The following KATNIP variants were observed in gnomAD, a reference collection of about 807,000 sequenced individuals.
KATNIP encodes the protein katanin-interacting protein.
In KATNIP, 126 loss-of-function variants were observed where a neutral mutation model predicts 174.0. The ratio of observed to expected loss-of-function variants is 0.72; its 90% CI spans 0.63 to 0.84. The LOEUF (loss-of-function observed/expected upper bound fraction) is 0.84. Among genes scored for constraint, KATNIP ranks in the 40% least tolerant of loss-of-function variants. The pLI, the probability that KATNIP is intolerant of heterozygous loss-of-function variation, is 0.00. For synonymous variants in KATNIP, 810 were observed against 835.7 expected (o/e 0.97, Z 0.53); for missense variants, 1,958 against 2,109.7 (o/e 0.93, Z 1.41).
At chr16:27,625,923 C>A (rs546660167) in intron 3 of KATNIP, among the ~76,000 whole-genome samples, 4 of 151,588 alleles carry the variant, frequency 2.6e-5, no homozygotes, top group Admixed American at 2.0e-4. Context: ...GATCATGTCT[C>A]ACTACAGCCT....
chr16:27,613,595 T>C (rs1187124265), intron 2 of KATNIP, among the ~76,000 whole-genome samples: 1 of 152,222 alleles, frequency 6.6e-6, no homozygotes, highest in East Asian at 1.9e-4. Context: ...GCAGCATCTG[T>C]GTTCTGGGAA....
Position 27,712,522 on chromosome 16 carries a change from G to A in KATNIP, c.1605+3602G>A, listed in dbSNP as rs193283026. ...TGCGCATGGCTGATAGAGCTCACCC[G>A]ACAGCTGAGGTACCTAGAAGCGGAG... On this transcript the variant is annotated intron_variant, in intron 13 of 27. Coordinates refer to ENST00000261588, the MANE Select transcript of KATNIP (RefSeq NM_015202.5). Among the ~76,000 whole-genome samples, 235 of 152,276 alleles carry A rather than the reference G, an allele frequency of 1.5e-3. 1 individual carries two copies. Among genetic ancestry groups the A allele is most frequent in the Non-Finnish European group, 2.4e-3 (166 of 68,026 alleles).
At chr16:27,661,580 C>T (rs998263027) in intron 6 of KATNIP, among the ~76,000 whole-genome samples, 3 of 150,434 alleles carry the variant, frequency 2.0e-5, no homozygotes, top group South Asian at 2.1e-4. Context: ...TTAGTAGAGA[C>T]GGGGGTTTCA....
chr16:27,588,826 A>T lies in KATNIP; in HGVS notation c.63+14870A>T, dbSNP rs372095595. The stretch of plus-strand genomic sequence containing the variant: ...CCCCTTCCCAGAAATAACTGCTGTT[A>T]TACATTGGATGTTCATCTTTCTGGA... On this transcript the variant is annotated intron_variant, in intron 2 of 27. Coordinates refer to ENST00000261588, the MANE Select transcript of KATNIP (RefSeq NM_015202.5). Among the ~76,000 whole-genome samples, 8 of 150,874 alleles carry T rather than the reference A, an allele frequency of 5.3e-5. No homozygotes were observed. In the South Asian group the frequency reaches 1.7e-3, roughly 31 times the overall value.
rs142107262 is a variant in KATNIP, at chr16:27,765,548, C to G, written c.3810-761C>G. 2.4e-3 allele frequency among the ~76,000 whole-genome samples: 362 copies of G among 152,296 alleles called. 3 individuals carry two copies. Among genetic ancestry groups the G allele is most frequent in the African/African-American group, 7.7e-3 (320 of 41,552 alleles). The stretch of plus-strand genomic sequence containing the variant: ...TCACCTGCCCCTCCTTCTACTTGTT[C>G]CAAGCCAAGAGCTGCAGAGCTCACC... On this transcript the variant is annotated intron_variant, in intron 19 of 27. Coordinates refer to ENST00000261588, the MANE Select transcript of KATNIP (RefSeq NM_015202.5).
chr16:27,581,878 T>C (rs2090713444), intron 2 of KATNIP, among the ~76,000 whole-genome samples: 1 of 152,240 alleles, frequency 6.6e-6, no homozygotes, highest in Admixed American at 6.5e-5. Flanking sequence ...TCATTTAGAA[T>C]AATAGTCTCC....
In KATNIP at chr16:27,775,001, C is replaced by T. The variant is rs552981860; in HGVS notation, c.4366C>T (p.Arg1456Cys). 25 of 1,613,810 alleles carry T rather than the reference C, an allele frequency of 1.5e-5. No individual in the cohort carries two copies. Among genetic ancestry groups the T allele is most frequent in the East Asian group, 4.5e-5 (2 of 44,838 alleles). The change falls in exon 24 of 28, where the codon CGC becomes TGC. Residue 1456 changes from arginine (R) to cysteine (C), a missense_variant. Physicochemically the swap from Arg to Cys is radical, Grantham distance 180 (BLOSUM62 -3). Around this residue, in one of 3 missense-constraint regions of KATNIP, gnomAD observed 383 missense variants for 456.0 expected, o/e 0.84. Coordinates refer to ENST00000261588, the MANE Select transcript of KATNIP (RefSeq NM_015202.5). The stretch of plus-strand genomic sequence containing the variant: ...CCTGGAGGGTGTGGGCGGGGACGTC[C>T]GCACCCCAGACAAGCTCATCGACCA... ...NSLEGVGGDV[R>C]TPDKLIDQVN...
At chr16:27,710,539 G>A (rs2079529346) in intron 13 of KATNIP, among the ~76,000 whole-genome samples, 1 of 152,146 alleles carries the variant, frequency 6.6e-6, no homozygotes, top group Non-Finnish European at 1.5e-5. Context: ...TCTCCTCGGA[G>A]ACCTGGGAAG....
chr16:27,558,384 A>G (rs1170425351), intron 1 of KATNIP, among the ~76,000 whole-genome samples: 1 of 152,154 alleles, frequency 6.6e-6, no homozygotes, highest in Non-Finnish European at 1.5e-5. Flanking sequence ...ACCTCAAGTG[A>G]TCTGCCTGCC....
In KATNIP at chr16:27,701,692, G is replaced by T. The variant is rs201094823; in HGVS notation, c.1283G>T (p.Ser428Ile). Residue 428 changes from serine (S) to isoleucine (I), a missense_variant, in exon 11 of 28, where the codon AGC becomes ATC. Physicochemically the swap from Ser to Ile is moderately radical, Grantham distance 142. Transcript: ENST00000261588. ...ATGGACAGAATTGGGCTTCTGGGAA[G>T]CAGGTACTACTAAGGCTGAGGCCAA... ...QAMDRIGLLG[S>I]RQQQKLLKVL... The T allele has an allele frequency of 2.0e-4, 312 of 1,596,152 alleles. No individual in the cohort carries two copies. The highest frequency in any genetic ancestry group is 1.3e-5 in the Non-Finnish European group (15 of 1,171,216).
intron 2 of KATNIP, among the ~76,000 whole-genome samples, chr16:27,601,993 A>G (rs754149778): frequency 1.3e-5 from 2 of 152,202 alleles, no homozygotes; most frequent in Non-Finnish European, 2.9e-5. Flanking sequence ...CTCTCCTCCC[A>G]TCAGGCCTGG....
chr16:27,694,596 G>GA (rs1567308842), intron 8 of KATNIP, among the ~76,000 whole-genome samples: 1 of 151,982 alleles, frequency 6.6e-6, no homozygotes, highest in Non-Finnish European at 1.5e-5. Context: ...AGGAGTTTGA[G>GA]ACCAGCCTGG....
intron 8 of KATNIP, among the ~76,000 whole-genome samples, chr16:27,685,776 G>T (rs931028275): frequency 6.6e-6 from 1 of 152,204 alleles, no homozygotes; most frequent in Non-Finnish European, 1.5e-5. Context: ...TAAGAGGAAA[G>T]CTGAAAAGCC....
At chr16:27,611,024 G>A (rs1473555807) in intron 2 of KATNIP, among the ~76,000 whole-genome samples, 2 of 152,264 alleles carry the variant, frequency 1.3e-5, no homozygotes, top group Non-Finnish European at 1.5e-5. Context: ...GATGTCTCAT[G>A]TCTCCCTAAA....
intron 2 of KATNIP, among the ~76,000 whole-genome samples, chr16:27,593,516 G>GCGTGAGCCAC (rs1281615593): frequency 3.3e-5 from 5 of 151,990 alleles, no homozygotes; most frequent in Admixed American, 1.3e-4. Context: ...GGGATTACAG[G>GCGTGAGCCAC]CGTGAGCCAC....
rs906618404 is a variant in KATNIP, at chr16:27,757,516, C to T, written c.3631+3265C>T. The T allele has an allele frequency of 5.1e-6, 5 of 985,298 alleles. No individual in the cohort carries two copies. The African/African-American group carries it at 8.7e-5, about 17-fold the overall frequency. The allele number at this position is 985,298 out of a possible 1,614,324, so 61.0% of individuals were successfully genotyped here. ...AAGATGCTGCCTGTAGATGTGTTTC[C>T]TGCTGACCCAGCTCCTGACCTTTCA... On this transcript the variant is annotated intron_variant, in intron 18 of 27. Coordinates refer to ENST00000261588, the MANE Select transcript of KATNIP (RefSeq NM_015202.5).
chr16:27,640,701 T>C (rs2076765669), intron 5 of KATNIP, among the ~76,000 whole-genome samples: 1 of 151,442 alleles, frequency 6.6e-6, no homozygotes. Flanking sequence ...TTTTTGTATC[T>C]TCCTGTGTTT....
chr16:27,726,540 G>A (rs1324178723), intron 14 of KATNIP, among the ~76,000 whole-genome samples: 1 of 152,230 alleles, frequency 6.6e-6, no homozygotes, highest in Non-Finnish European at 1.5e-5. Flanking sequence ...ATGAGTCTCA[G>A]TGCTGAGGGT....
chr16:27,566,549 G>A (rs1386842754), intron 1 of KATNIP, among the ~76,000 whole-genome samples: 1 of 150,846 alleles, frequency 6.6e-6, no homozygotes, highest in Non-Finnish European at 1.5e-5. Flanking sequence ...AAAAAAGGAA[G>A]TTGAAATGGG....
Sources: allele counts gnomAD v4.1 joint callset (sites outside exome capture counted in the v4.1 genomes callset), GRCh38; gene constraint gnomAD v4.1.1; regional missense constraint gnomAD v4.1.1; transcripts MANE v1.5; gene names NCBI Gene and HGNC (gene_info 2026-07-23, HGNC 2026-07-21).